NMNAT3: variants seen among roughly 807,000 people sequenced by gnomAD.
NMNAT3 encodes nicotinamide/nicotinic acid mononucleotide adenylyltransferase 3.
In NMNAT3, 21 loss-of-function variants were observed where a neutral mutation model predicts 24.8. The observed-to-expected ratio is 0.85, with a 90% CI of 0.60 to 1.22. The LOEUF is 1.22. NMNAT3 is among the 50% of genes most tolerant of loss of function. NMNAT3 has a pLI of 0.00. For synonymous variants in NMNAT3, 136 were observed against 155.2 expected (o/e 0.88, Z 0.92); for missense variants, 387 against 436.6 (o/e 0.89, Z 1.01).
chr3:139,590,595 G>A (rs953132356), intron 3 of NMNAT3, among the ~76,000 whole-genome samples: 1 of 152,108 alleles, frequency 6.6e-6, no homozygotes, highest in Non-Finnish European at 1.5e-5. Flanking sequence ...TCAGAAATGA[G>A]GATGGAACAA....
At chr3:139,563,018 T>A (rs1936644860) in intron 6 of NMNAT3, among the ~76,000 whole-genome samples, 1 of 152,218 alleles carries the variant, frequency 6.6e-6, no homozygotes, top group African/African-American at 2.4e-5. Flanking sequence ...AACTTTAAAA[T>A]GAGGATATTA....
chr3:139,599,961 T>G (rs570952126), intron 3 of NMNAT3, among the ~76,000 whole-genome samples: 1 of 152,298 alleles, frequency 6.6e-6, no homozygotes, highest in Non-Finnish European at 1.5e-5. Context: ...GGCAGCACAG[T>G]CGGCCAGCTG....
intron 6 of NMNAT3, among the ~76,000 whole-genome samples, chr3:139,562,862 C>A (rs559999327): frequency 6.6e-6 from 1 of 152,162 alleles, no homozygotes; most frequent in Non-Finnish European, 1.5e-5. Flanking sequence ...AATGCTCTAG[C>A]GGCATAATAC....
At chr3:139,596,964 A>ATTTTT (rs3028156) in intron 3 of NMNAT3, among the ~76,000 whole-genome samples, 1 of 108,540 alleles carries the variant, frequency 9.2e-6, no homozygotes, top group Non-Finnish European at 1.9e-5. Context: ...ATATATATAT[A>ATTTTT]TTTTTATTAC....
chr3:139,611,784 G>A (rs2055227534), intron 3 of NMNAT3, among the ~76,000 whole-genome samples: 1 of 152,204 alleles, frequency 6.6e-6, no homozygotes, highest in African/African-American at 2.4e-5. Flanking sequence ...AGATTTGGCT[G>A]ACAGCACATC....
intron 3 of NMNAT3, among the ~76,000 whole-genome samples, chr3:139,585,791 C>T (rs2053912937): frequency 6.6e-6 from 1 of 152,198 alleles, no homozygotes; most frequent in Admixed American, 6.5e-5. Flanking sequence ...CACTAAAGCA[C>T]TAAGGCTTCT....
At chr3:139,653,580 C>A (rs76268804) in intron 1 of NMNAT3, among the ~76,000 whole-genome samples, 5,126 of 152,272 alleles carry the variant, frequency 0.034, 323 homozygotes, top group African/African-American at 0.12. Flanking sequence ...AGTGTAGTAG[C>A]CACGTGTTGG....
At chr3:139,618,327 G>A (rs2108281016) in intron 3 of NMNAT3, among the ~76,000 whole-genome samples, 1 of 152,340 alleles carries the variant, frequency 6.6e-6, no homozygotes, top group Non-Finnish European at 1.5e-5. Flanking sequence ...ATAAAGAGGT[G>A]TGTTATCACA....
chr3:139,623,868 T>A (rs771535729), intron 3 of NMNAT3, among the ~76,000 whole-genome samples: 2 of 152,188 alleles, frequency 1.3e-5, no homozygotes, highest in Non-Finnish European at 2.9e-5. Context: ...TGAACCACCA[T>A]GCCCGGCCTA....
chr3:139,639,258 G>A (rs1340559656), intron 1 of NMNAT3, among the ~76,000 whole-genome samples: 1 of 152,196 alleles, frequency 6.6e-6, no homozygotes, highest in East Asian at 1.9e-4. Flanking sequence ...TAAAACGTGT[G>A]TGGAATAATC....
chr3:139,563,618 T>C (rs140470418), intron 6 of NMNAT3, among the ~76,000 whole-genome samples: 212 of 152,300 alleles, frequency 1.4e-3, no homozygotes, highest in African/African-American at 4.7e-3. Context: ...CAAAGGCATG[T>C]CTGTGAGGCT....
intron 3 of NMNAT3, among the ~76,000 whole-genome samples, chr3:139,591,846 A>G (rs1046137500): frequency 2.6e-5 from 4 of 152,262 alleles, no homozygotes; most frequent in African/African-American, 9.6e-5. Flanking sequence ...GACCAAAAGT[A>G]GATAAAACCA....
In NMNAT3 at chr3:139,677,864, C is replaced by T. The variant is rs1029343770; in HGVS notation, c.-300G>A. On this transcript the variant is annotated 5_prime_UTR_variant, in exon 1 of 7. Coordinates refer to ENST00000643695, the MANE Select transcript of NMNAT3 (RefSeq NM_001320510.2). ...GTTTGGTCTCGGGACTCAAGGCTGCCTCCGGCCCGGGCAGCCTCAGGTCTA... is the reference window on the plus strand; with the variant it reads ...GTTTGGTCTCGGGACTCAAGGCTGCTTCCGGCCCGGGCAGCCTCAGGTCTA... The T allele has an allele frequency of 6.6e-6, 1 of 152,236 alleles. No homozygotes were observed. The highest frequency in any genetic ancestry group is 6.5e-5 in the Admixed American group (1 of 15,294). 9.4% of individuals were successfully genotyped at this position (152,236 alleles called of 1,614,324 possible). A position where few individuals can be genotyped will look rare whatever the true frequency, so the allele number is the denominator to read the frequency against.
intron 3 of NMNAT3, among the ~76,000 whole-genome samples, chr3:139,614,577 C>G (rs1379754557): frequency 6.6e-6 from 1 of 152,174 alleles, no homozygotes; most frequent in Non-Finnish European, 1.5e-5. Context: ...GCAGAATGTC[C>G]CTCACTTTAG....
At chr3:139,564,480 G>A (rs910587893) in intron 6 of NMNAT3, among the ~76,000 whole-genome samples, 11 of 152,170 alleles carry the variant, frequency 7.2e-5, no homozygotes, top group Non-Finnish European at 1.6e-4. Flanking sequence ...ATGGGTGGGC[G>A]CCACCTTCAC....
In NMNAT3 at chr3:139,560,876, CA is replaced by C; in HGVS notation, c.*133del. The stretch of plus-strand genomic sequence containing the variant: ...TCTCTTCCTGGGACAGAAGACTCCT[CA>C]GAAGTAGAATCACTGTAGAAATAAA... On this transcript the variant is annotated 3_prime_UTR_variant, in exon 7 of 7. Transcript: ENST00000643695. 2.3e-6 allele frequency: 2 copies of C among 870,292 alleles called. No individual in the cohort carries two copies. Among genetic ancestry groups the C allele is most frequent in the East Asian group, 4.9e-5 (2 of 40,826 alleles). The allele number at this position is 870,292 out of a possible 1,614,324, so 53.9% of individuals were successfully genotyped here. A position where few individuals can be genotyped will look rare whatever the true frequency, so the allele number is the denominator to read the frequency against.
intron 1 of NMNAT3, among the ~76,000 whole-genome samples, chr3:139,661,115 T>G (rs1035944378): frequency 2.6e-5 from 4 of 152,282 alleles, no homozygotes; most frequent in Admixed American, 6.5e-5. Flanking sequence ...TGATCAGGTA[T>G]CATAAAAGAC....
At chr3:139,564,906 TAAC>T (rs756943626) in intron 6 of NMNAT3, among the ~76,000 whole-genome samples, 19 of 152,310 alleles carry the variant, frequency 1.2e-4, no homozygotes, top group African/African-American at 3.6e-4. Context: ...AAAGCAGAAA[TAAC>T]AACAACAATA....
chr3:139,565,848 C>G (rs1937112404), intron 6 of NMNAT3: 1 of 152,140 alleles, frequency 6.6e-6, no homozygotes, highest in African/African-American at 2.4e-5. Context: ...TTTATAGCAG[C>G]ATGATTTATA....
Sources: allele counts gnomAD v4.1 joint callset (sites outside exome capture counted in the v4.1 genomes callset), GRCh38; gene constraint gnomAD v4.1.1; transcripts MANE v1.5; gene names NCBI Gene and HGNC (gene_info 2026-07-23, HGNC 2026-07-21).